Variants in AKAP9 observed in about 807,000 individuals in gnomAD.
AKAP9 encodes the protein A-kinase anchoring protein 9.
Under a neutral mutation model 488.5 loss-of-function variants are expected in AKAP9, and 311 were observed. The observed-to-expected ratio is 0.64, with a 90% confidence interval of 0.58 to 0.70. The LOEUF (loss-of-function observed/expected upper bound fraction) is 0.70, where lower values mean the gene tolerates loss of function less well. Ranked by LOEUF, AKAP9 falls within the 30% of genes least tolerant of loss-of-function variation. AKAP9 has a pLI of 0.00. For missense variants in AKAP9, 4,215 were observed against 4,374.5 expected, an observed-to-expected ratio of 0.96 and a Z score of 1.03; for synonymous variants, 1,462 against 1,483.5, an observed-to-expected ratio of 0.99 and a Z score of 0.33.
At chr7:92,042,306 C>T (rs1400841453) in intron 19 of AKAP9, 120 bp downstream of exon 19, 1 of 1,334,496 alleles carries the variant, frequency 7.5e-7, no homozygotes, top group Non-Finnish European at 1.1e-6. Flanking sequence ...ATATTTGTGA[C>T]TGCATGTGTG....
chr7:92,064,741 A>G (rs1015950848), intron 24 of AKAP9, among the ~76,000 whole-genome samples: 4 of 152,178 alleles, frequency 2.6e-5, no homozygotes, highest in Non-Finnish European at 5.9e-5. Flanking sequence ...AGCTGTATTT[A>G]TATTTCTGTA....
chr7:92,098,362 T>C, intron 43 of AKAP9, 148 bp downstream of exon 43: 1 of 562,126 alleles, frequency 1.8e-6, no homozygotes, highest in East Asian at 3.1e-5. Context: ...ATAATAATGC[T>C]TGCTTTCCCC....
chr7:92,017,219 G>A (rs1474408194), intron 12 of AKAP9, 117 bp downstream of exon 12: 3 of 797,078 alleles, frequency 3.8e-6, no homozygotes, highest in Non-Finnish European at 4.2e-6. Context: ...AAAGGAGATT[G>A]GGAAAAGTGA....
intron 16 of AKAP9, among the ~76,000 whole-genome samples, chr7:92,034,503 T>TAG (rs1563021237): frequency 8.5e-6 from 1 of 117,526 alleles, no homozygotes; most frequent in East Asian, 2.3e-4. Context: ...TATATATTTT[T>TAG]TTTTTTTTTT....
chr7:92,061,898 C>T (rs1809916047), intron 23 of AKAP9, among the ~76,000 whole-genome samples: 1 of 151,976 alleles, frequency 6.6e-6, no homozygotes, highest in Non-Finnish European at 1.5e-5. Context: ...AAAATACCAA[C>T]CTTCTAATTT....
At chr7:91,972,234 G>A in intron 1 of AKAP9, among the ~76,000 whole-genome samples, 1 of 152,084 alleles carries the variant, frequency 6.6e-6, no homozygotes, top group Non-Finnish European at 1.5e-5. Flanking sequence ...CTTTGGCCAA[G>A]TTACAAAGCA....
At chr7:92,069,962 ACT>A (rs1331377640) in intron 26 of AKAP9, 66 bp from the exon 27 acceptor site, 27 of 1,404,708 alleles carry the variant, frequency 1.9e-5, no homozygotes, top group Non-Finnish European at 2.6e-5. Flanking sequence ...ATGAGGGATA[ACT>A]CAACCTATAC....
intron 3 of AKAP9, among the ~76,000 whole-genome samples, chr7:91,980,797 T>G (rs10228800): frequency 0.41 from 62,752 of 151,752 alleles, 13,437 homozygotes; most frequent in African/African-American, 0.51. Context: ...AAAGGTATTG[T>G]CCACTTTAGG....
intron 1 of AKAP9, among the ~76,000 whole-genome samples, chr7:91,963,922 T>C (rs1191810484): frequency 1.3e-5 from 2 of 152,116 alleles, no homozygotes. Flanking sequence ...AATAGTTATA[T>C]TAATACTAGT....
intron 16 of AKAP9, among the ~76,000 whole-genome samples, chr7:92,033,101 A>G (rs965045842): frequency 2.6e-5 from 4 of 152,234 alleles, no homozygotes; most frequent in African/African-American, 9.6e-5. Context: ...TACTATTTTA[A>G]AAGTAGTCAT....
intron 46 of AKAP9, among the ~76,000 whole-genome samples, chr7:92,103,499 T>C (rs1817967895): frequency 6.9e-6 from 1 of 145,216 alleles, no homozygotes; most frequent in South Asian, 2.4e-4. Flanking sequence ...ATTGAGACCA[T>C]CCTGGCTATG....
At chr7:92,096,304 G>T (rs759091519) in intron 40 of AKAP9, among the ~76,000 whole-genome samples, 4 of 150,194 alleles carry the variant, frequency 2.7e-5, no homozygotes, top group Non-Finnish European at 4.4e-5. Flanking sequence ...ATTAATAAAG[G>T]CATGGTTGTA....
Position 92,099,688 on chromosome 7 carries a change from C to A in AKAP9, c.10715C>A (p.Pro3572His), listed in dbSNP as rs771481702. ...CCTTACACCATTTTATTTTTCCAGC[C>A]CAGCTTGGTGTCCCCAAGTACTTCT... ...QKLTGQQGEEPSLVSPSTSCG... is the reference protein window; with the variant it reads ...QKLTGQQGEEHSLVSPSTSCG... Residue 3572 changes from proline to histidine, a missense_variant and splice_region_variant, in exon 44 of 50, where the codon CCC (proline) becomes CAC (histidine). Transcript: ENST00000356239. The A allele has an allele frequency of 1.9e-6, 3 of 1,613,874 alleles. No individual in the cohort carries two copies. Among genetic ancestry groups the A allele is most frequent in the Admixed American group, 1.7e-5 (1 of 60,006 alleles).
At chr7:92,042,415 CA>C (rs1806272839) in intron 19 of AKAP9, among the ~76,000 whole-genome samples, 1 of 152,170 alleles carries the variant, frequency 6.6e-6, no homozygotes, top group South Asian at 2.1e-4. Context: ...GAGAACCTAA[CA>C]AACTTTATTG....
intron 1 of AKAP9, among the ~76,000 whole-genome samples, chr7:91,961,282 A>T (rs1182581665): frequency 2.6e-5 from 4 of 151,690 alleles, no homozygotes; most frequent in African/African-American, 9.7e-5. Context: ...GCCTCAGTAA[A>T]ATCCCGAGTA....
At chr7:92,075,363 A>G (rs1016119556) in intron 28 of AKAP9, among the ~76,000 whole-genome samples, 1 of 152,264 alleles carries the variant, frequency 6.6e-6, no homozygotes, top group African/African-American at 2.4e-5. Flanking sequence ...GGATAGTTGT[A>G]AATACTATGT....
intron 12 of AKAP9, among the ~76,000 whole-genome samples, chr7:92,021,378 GAATA>G (rs1395777235): frequency 2.6e-5 from 4 of 152,108 alleles, no homozygotes; most frequent in African/African-American, 9.7e-5. Flanking sequence ...AGTATTTGAT[GAATA>G]AATAAATTAG....
chr7:92,047,154 T>C (rs1807142661), intron 21 of AKAP9, among the ~76,000 whole-genome samples: 2 of 152,230 alleles, frequency 1.3e-5, no homozygotes, highest in African/African-American at 4.8e-5. Flanking sequence ...CTTGCATAAG[T>C]GTATCTAAAT....
Position 92,080,148 on chromosome 7 carries a change from T to C in AKAP9, c.8015T>C (p.Leu2672Pro). The change falls in exon 31 of 50, where the codon CTC (leucine) becomes CCC (proline). Residue 2672 changes from leucine (L) to proline (P), a missense_variant. By Grantham distance (98) the Leu-to-Pro change is moderately conservative. Transcript: ENST00000356239. ...AGAAGCCCTCAAGATGTTGAAGTTCTCAAGGTTAGTTTTGTATTTTATTAG... is the reference window on the plus strand; with the variant it reads ...AGAAGCCCTCAAGATGTTGAAGTTCCCAAGGTTAGTTTTGTATTTTATTAG... ...KKRSPQDVEVLKTTTELFHSN... is the reference protein window; with the variant it reads ...KKRSPQDVEVPKTTTELFHSN... 1 of 1,576,416 alleles carries C rather than the reference T, an allele frequency of 6.3e-7. No individual in the cohort carries two copies. The highest frequency in any genetic ancestry group is 8.6e-7 in the Non-Finnish European group (1 of 1,166,910).
Sources: gnomAD v4.1 joint callset for allele counts (sites outside exome capture counted in the v4.1 genomes callset) on GRCh38, gnomAD v4.1.1 for gene constraint, MANE v1.5 for transcripts, NCBI Gene and HGNC (gene_info 2026-07-23, HGNC 2026-07-21) for gene names.